The following EBF2 variants were observed in gnomAD, a reference collection of about 807,000 sequenced individuals.
The protein encoded by EBF2 is EBF transcription factor 2.
In EBF2, 21 loss-of-function variants were observed where a neutral mutation model predicts 72.8. The observed-to-expected ratio is 0.29, with a 90% CI of 0.20 to 0.42. The LOEUF (loss-of-function observed/expected upper bound fraction) is 0.42. EBF2 is among the 10% of genes least tolerant of loss of function. The pLI is 1.00. For missense variants in EBF2, 637 were observed against 731.2 expected (o/e 0.87, Z 1.49); for synonymous variants, 299 against 274.2 (o/e 1.09, Z -0.89).
intron 6 of EBF2, among the ~76,000 whole-genome samples, chr8:26,012,084 G>C (rs1805034264): frequency 6.6e-6 from 1 of 152,110 alleles, no homozygotes; most frequent in African/African-American, 2.4e-5. Flanking sequence ...AAAGAATCAT[G>C]CCCTGTTTAT....
chr8:25,990,343 A>G (rs2117208851), intron 6 of EBF2, among the ~76,000 whole-genome samples: 1 of 152,336 alleles, frequency 6.6e-6, no homozygotes, highest in African/African-American at 2.4e-5. Flanking sequence ...AAAACTTTAC[A>G]AGATCATATG....
In EBF2 at chr8:25,918,741, A is replaced by G. The variant is rs76875967; in HGVS notation, c.552-10186T>C. ...AGTATTGATAAAGGTACATATTTGA[A>G]GCCAACATTCAAACAATCAAAAAAA... is the stretch of plus-strand genomic sequence containing the variant. On this transcript the variant is annotated intron_variant, in intron 6 of 15. Transcript: ENST00000520164. Among the ~76,000 whole-genome samples, 756 of 152,340 alleles carry G rather than the reference A, an allele frequency of 5.0e-3. 6 individuals carry two copies. The highest frequency in any genetic ancestry group is 8.2e-3 in the Non-Finnish European group (559 of 68,030).
intron 6 of EBF2, among the ~76,000 whole-genome samples, chr8:25,988,442 G>A (rs1487806840): frequency 6.6e-6 from 1 of 152,180 alleles, no homozygotes; most frequent in Non-Finnish European, 1.5e-5. Context: ...GCATTAAGGA[G>A]CATATTTTAA....
chr8:26,016,432 G>A (rs762273642), intron 6 of EBF2, among the ~76,000 whole-genome samples: 14 of 152,212 alleles, frequency 9.2e-5, no homozygotes, highest in East Asian at 1.9e-4. Context: ...ACATTCATTC[G>A]TCTTTTAAAA....
intron 1 of EBF2, 63 bp from the exon 2 acceptor site, chr8:26,042,314 A>T: frequency 1.9e-6 from 3 of 1,541,984 alleles, no homozygotes; most frequent in Non-Finnish European, 2.6e-6. Context: ...CGATGTTACT[A>T]ACCGCCCACA....
intron 6 of EBF2, among the ~76,000 whole-genome samples, chr8:25,985,308 C>T (rs1166271605): frequency 6.6e-6 from 1 of 152,174 alleles, no homozygotes; most frequent in African/African-American, 2.4e-5. Context: ...TACAGTGCCA[C>T]AGCAGATTTC....
rs1239266981 is a variant in EBF2, at chr8:26,045,377, CCG to C, written c.-520_-519del. 6.6e-6 allele frequency: 1 copy of C among 152,330 alleles called. No homozygotes were observed. Among genetic ancestry groups the C allele is most frequent in the East Asian group, 1.9e-4 (1 of 5,186 alleles). The allele number at this position is 152,330 out of a possible 1,614,324, so 9.4% of individuals were successfully genotyped here. ...CGAGCGCCACGGAGCCCGGCTGCAG[CCG>C]CGCGCGGGCCCCATGAATGGGTTAC... On this transcript the variant is annotated 5_prime_UTR_variant, in exon 1 of 16. It removes the in-frame stop codon of an upstream open reading frame in the 5' UTR. Coordinates refer to ENST00000520164, the MANE Select transcript of EBF2 (RefSeq NM_022659.4).
chr8:25,863,258 A>G (rs1802243013), intron 10 of EBF2, among the ~76,000 whole-genome samples: 1 of 152,102 alleles, frequency 6.6e-6, no homozygotes, highest in South Asian at 2.1e-4. Flanking sequence ...CTATGAGCTT[A>G]TTCTCATAAA....
At chr8:25,999,300 G>T (rs901969627) in intron 6 of EBF2, among the ~76,000 whole-genome samples, 3 of 151,992 alleles carry the variant, frequency 2.0e-5, no homozygotes, top group Admixed American at 6.6e-5. Context: ...ATGATGATTT[G>T]GTTCGCATTC....
intron 6 of EBF2, 21 bp from the exon 7 acceptor site, chr8:25,908,576 G>A (rs568582827): frequency 1.3e-6 from 2 of 1,488,682 alleles, no homozygotes; most frequent in South Asian, 2.3e-5. Flanking sequence ...AAAGCGATGT[G>A]TTACATTTTT....
intron 6 of EBF2, among the ~76,000 whole-genome samples, chr8:25,923,756 T>G (rs1353347180): frequency 6.6e-6 from 1 of 152,232 alleles, no homozygotes; most frequent in Non-Finnish European, 1.5e-5. Flanking sequence ...CAATTTGTCC[T>G]CATCTGGAAG....
At chr8:26,033,249 G>A (rs1200984158) in intron 5 of EBF2, 96 bp from the exon 6 acceptor site, 2 of 1,186,342 alleles carry the variant, frequency 1.7e-6, no homozygotes, top group Admixed American at 3.6e-5. Context: ...CCCAGACAGA[G>A]TCTGGCTCTG....
chr8:25,997,514 TGAGCC>T (rs1804653208), intron 6 of EBF2, among the ~76,000 whole-genome samples: 1 of 146,760 alleles, frequency 6.8e-6, no homozygotes, highest in Non-Finnish European at 1.5e-5. Flanking sequence ...GAGACTGCAG[TGAGCC>T]AAGATTGTAC....
chr8:25,961,908 T>C (rs989537571), intron 6 of EBF2, among the ~76,000 whole-genome samples: 1 of 152,200 alleles, frequency 6.6e-6, no homozygotes, highest in African/African-American at 2.4e-5. Context: ...TAAAATTATC[T>C]TTCTGGAGAT....
chr8:26,016,952 AT>A (rs1416976395), intron 6 of EBF2, among the ~76,000 whole-genome samples: 1 of 152,130 alleles, frequency 6.6e-6, no homozygotes, highest in Non-Finnish European at 1.5e-5. Context: ...GTGGAGTTAT[AT>A]TTTTTAAAAG....
chr8:25,978,820 A>G (rs1804310007), intron 6 of EBF2, among the ~76,000 whole-genome samples: 1 of 152,208 alleles, frequency 6.6e-6, no homozygotes, highest in Admixed American at 6.5e-5. Context: ...CAGTGGACAC[A>G]ATCCATGCGG....
chr8:26,032,848 C>T (rs1176837317), intron 6 of EBF2: 2 of 538,484 alleles, frequency 3.7e-6, no homozygotes, highest in South Asian at 2.3e-5. Context: ...ACTTATTAGG[C>T]TGAAGCTGGT....
chr8:25,994,866 C>G (rs369808033), intron 6 of EBF2, among the ~76,000 whole-genome samples: 2 of 152,120 alleles, frequency 1.3e-5, no homozygotes, highest in African/African-American at 4.8e-5. Flanking sequence ...ATACACCAAA[C>G]CCCAGCAATA....
intron 6 of EBF2, among the ~76,000 whole-genome samples, chr8:25,954,391 C>G (rs1020832033): frequency 2.0e-5 from 3 of 152,192 alleles, no homozygotes; most frequent in Non-Finnish European, 4.4e-5. Context: ...GCCCCACCTT[C>G]GCGCGCAGGG....
Sources: gnomAD v4.1 joint callset for allele counts (sites outside exome capture counted in the v4.1 genomes callset) on GRCh38, gnomAD v4.1.1 for gene constraint, MANE v1.5 for transcripts, NCBI Gene and HGNC (gene_info 2026-07-23, HGNC 2026-07-21) for gene names.